EVI5: variants seen among roughly 807,000 people sequenced by gnomAD.
EVI5 encodes ecotropic viral integration site 5.
A neutral mutation model predicts 112.0 loss-of-function variants in EVI5; 73 were observed. That is an observed-to-expected ratio of 0.65 (90% CI 0.54 to 0.79). EVI5 has a LOEUF of 0.79. Ranked by LOEUF, EVI5 falls within the 30% of genes least tolerant of loss-of-function variation. The pLI is 0.00. For missense variants in EVI5, 900 were observed against 968.8 expected (o/e 0.93, Z 0.94); for synonymous variants, 305 against 319.9 (o/e 0.95, Z 0.50).
intron 19 of EVI5, among the ~76,000 whole-genome samples, chr1:92,547,342 T>A (rs370321562): frequency 2.6e-5 from 4 of 152,184 alleles, no homozygotes; most frequent in South Asian, 2.1e-4. Context: ...GGGACACATT[T>A]AAAGCAGTGT....
intron 10 of EVI5, 109 bp downstream of exon 10, chr1:92,677,049 G>T (rs1666861973): frequency 4.2e-6 from 3 of 709,546 alleles, no homozygotes; most frequent in Non-Finnish European, 7.2e-6. Flanking sequence ...CTATAATCTA[G>T]TAGGATGGTA....
chr1:92,653,731 T>C (rs1662550208), intron 13 of EVI5, among the ~76,000 whole-genome samples: 1 of 152,174 alleles, frequency 6.6e-6, no homozygotes, highest in Non-Finnish European at 1.5e-5. Context: ...GCAGCGTTCC[T>C]GCAAGGGAGA....
At chr1:92,564,432 A>AG (rs1167653223) in intron 18 of EVI5, among the ~76,000 whole-genome samples, 8 of 151,982 alleles carry the variant, frequency 5.3e-5, no homozygotes, top group African/African-American at 9.7e-5. Flanking sequence ...GGAACAGAAA[A>AG]GGGGGGAAAA....
chr1:92,637,806 T>C (rs1267190549), intron 13 of EVI5, among the ~76,000 whole-genome samples: 4 of 147,378 alleles, frequency 2.7e-5, no homozygotes, highest in Admixed American at 2.1e-4. Context: ...AGATGCTTAA[T>C]ACATGGTACT....
upstream of EVI5, among the ~76,000 whole-genome samples, chr1:92,788,505 A>AC (rs140409814): frequency 6.2e-3 from 915 of 147,490 alleles, 6 homozygotes; most frequent in African/African-American, 0.021. Flanking sequence ...ACAAAACAAA[A>AC]AAAAAACTAG....
chr1:92,770,564 G>A (rs1181794926), intron 1 of EVI5, among the ~76,000 whole-genome samples: 1 of 152,110 alleles, frequency 6.6e-6, no homozygotes, highest in Non-Finnish European at 1.5e-5. Flanking sequence ...GCCAAGGCGG[G>A]CTGATCACGA....
chr1:92,703,949 A>AAAAC (rs56875787), intron 3 of EVI5: 3 of 203,734 alleles, frequency 1.5e-5, no homozygotes, highest in Non-Finnish European at 2.9e-5. Flanking sequence ...AAAAAAAAAA[A>AAAAC]GGAAAATACT....
intron 13 of EVI5, among the ~76,000 whole-genome samples, chr1:92,650,767 A>C (rs571438114): frequency 2.0e-5 from 3 of 152,094 alleles, no homozygotes; most frequent in South Asian, 4.1e-4. Context: ...CTAATTATAT[A>C]TTTTTCTCTA....
At chr1:92,608,145 C>T (rs910714680) in intron 16 of EVI5, among the ~76,000 whole-genome samples, 58 of 147,174 alleles carry the variant, frequency 3.9e-4, no homozygotes, top group African/African-American at 1.3e-3. Context: ...AGCGAGACTC[C>T]GTCTCAAAAA....
intron 1 of EVI5, among the ~76,000 whole-genome samples, chr1:92,772,643 C>G (rs910917390): frequency 2.0e-5 from 3 of 152,146 alleles, no homozygotes; most frequent in Non-Finnish European, 2.9e-5. Context: ...TAGCTCATGC[C>G]TGTAATCCCA....
Position 92,513,209 on chromosome 1 carries a change from A to T in EVI5, c.*447T>A, listed in dbSNP as rs1557685559. The T allele has an allele frequency of 6.6e-6, 1 of 151,694 alleles. No homozygotes were observed. Among genetic ancestry groups the T allele is most frequent in the Non-Finnish European group, 1.5e-5 (1 of 67,878 alleles). 9.4% of individuals were successfully genotyped at this position (151,694 alleles called of 1,614,324 possible). ...TAAATCAGATGTATGTCTTGGTCAAATGTCTGTAGACAGCCACCTTGAGAA... is the reference window on the plus strand; with the variant it reads ...TAAATCAGATGTATGTCTTGGTCAATTGTCTGTAGACAGCCACCTTGAGAA... On this transcript the variant is annotated 3_prime_UTR_variant, in exon 20 of 20. Coordinates refer to ENST00000684568, the MANE Select transcript of EVI5 (RefSeq NM_001350197.2).
intron 1 of EVI5, among the ~76,000 whole-genome samples, chr1:92,753,066 A>G (rs909492212): frequency 6.6e-6 from 1 of 151,772 alleles, no homozygotes; most frequent in Non-Finnish European, 1.5e-5. Flanking sequence ...TGCCTTTCTG[A>G]GGAGGCAACG....
intron 19 of EVI5, among the ~76,000 whole-genome samples, chr1:92,530,325 G>A (rs527542211): frequency 3.9e-5 from 6 of 152,188 alleles, no homozygotes; most frequent in South Asian, 2.1e-4. Context: ...TCCCTGGGAC[G>A]AAGCACCTGG....
chr1:92,655,161 C>G (rs1485481471), intron 13 of EVI5, among the ~76,000 whole-genome samples: 1 of 151,490 alleles, frequency 6.6e-6, no homozygotes, highest in Non-Finnish European at 1.5e-5. Context: ...AGGACTTCAC[C>G]AACACATATA....
chr1:92,613,529 A>G (rs1467149297), intron 16 of EVI5, among the ~76,000 whole-genome samples: 2 of 152,210 alleles, frequency 1.3e-5, no homozygotes, highest in Non-Finnish European at 2.9e-5. Flanking sequence ...ACCTCAGGTC[A>G]TCCACCTGCC....
intron 9 of EVI5, among the ~76,000 whole-genome samples, chr1:92,680,114 C>T (rs557168548): frequency 2.0e-4 from 31 of 152,182 alleles, no homozygotes; most frequent in Non-Finnish European, 3.5e-4. Flanking sequence ...ACACTATTAA[C>T]AGAGTGATCT....
chr1:92,605,873 A>C (rs1361300705), intron 17 of EVI5, among the ~76,000 whole-genome samples: 2 of 152,338 alleles, frequency 1.3e-5, no homozygotes, highest in South Asian at 4.1e-4. Flanking sequence ...TAATATTATA[A>C]TACTAAATGA....
intron 1 of EVI5, among the ~76,000 whole-genome samples, chr1:92,765,855 C>T (rs980542390): frequency 1.3e-5 from 2 of 151,900 alleles, no homozygotes; most frequent in African/African-American, 4.8e-5. Flanking sequence ...GCGGGAGGGT[C>T]GCTTCAGGCT....
chr1:92,660,377 T>A (rs1663769702), intron 13 of EVI5, among the ~76,000 whole-genome samples: 1 of 151,814 alleles, frequency 6.6e-6, no homozygotes, highest in African/African-American at 2.4e-5. Context: ...AAAAAGTTGA[T>A]CTCATAGAAA....
Sources: allele counts gnomAD v4.1 joint callset (sites outside exome capture counted in the v4.1 genomes callset), GRCh38; gene constraint gnomAD v4.1.1; transcripts MANE v1.5; gene names NCBI Gene and HGNC (gene_info 2026-07-23, HGNC 2026-07-21).